PCDHGA7: variants seen among roughly 807,000 people sequenced by gnomAD.
PCDHGA7 encodes protocadherin gamma subfamily A, 7.
PCDHGA7 carries 44 observed loss-of-function variants against 58.3 expected under a neutral mutation model. That is an observed-to-expected ratio of 0.75 (90% confidence interval 0.59 to 0.97). PCDHGA7 has a LOEUF of 0.97. Ranked by LOEUF, PCDHGA7 falls within the 50% of genes least tolerant of loss-of-function variation. The pLI is 0.00. For missense variants in PCDHGA7, 1,266 were observed against 1,188.7 expected, an observed-to-expected ratio of 1.06 and a Z score of -0.96; for synonymous variants, 516 against 504.2, an observed-to-expected ratio of 1.02 and a Z score of -0.31.
chr5:141,489,894 G>A lies in PCDHGA7; in HGVS notation c.2425-4913G>A, dbSNP rs942456058. 33 of 1,614,204 alleles carry A rather than the reference G, an allele frequency of 2.0e-5. No individual in the cohort carries two copies. The highest frequency in any genetic ancestry group is 2.4e-5 in the Non-Finnish European group (28 of 1,180,028). Reference sequence around the variant, plus strand: ...TGGTGCTTACTGCTGTGGATGGGGGGACCCCAGCCCGCTCAGGGACCACCC... The same window carrying A: ...TGGTGCTTACTGCTGTGGATGGGGGAACCCCAGCCCGCTCAGGGACCACCC... On this transcript the variant is annotated intron_variant, in intron 1 of 3. Coordinates refer to ENST00000518325, the MANE Select transcript of PCDHGA7 (RefSeq NM_018920.4). This position sits in a 1 kb window ranked among gnomAD's most constrained non-coding sequence, Gnocchi z 4.5.
rs139156138 is a variant in PCDHGA7 at position 141,472,179 on chromosome 5, T to C, written c.2425-22628T>C. 5.1e-4 allele frequency among the ~76,000 whole-genome samples: 77 copies of C among 152,246 alleles called. 4 individuals are homozygous for C. The East Asian group carries it at 0.014, about 27-fold the overall frequency. On this transcript the variant is annotated intron_variant, in intron 1 of 3. Coordinates refer to ENST00000518325, the MANE Select transcript of PCDHGA7 (RefSeq NM_018920.4). ...TAGCTACTAGGTGTAATATCCAGTATTGGAATTTGAATCTTTTTGACACTA... is the reference window on the plus strand; with the variant it reads ...TAGCTACTAGGTGTAATATCCAGTACTGGAATTTGAATCTTTTTGACACTA...
At chr5:141,409,441 G>C (rs1432743588) in intron 1 of PCDHGA7, 1 of 1,613,884 alleles carries the variant, frequency 6.2e-7, no homozygotes, top group East Asian at 2.2e-5. Context: ...TGGACCGAGA[G>C]CAGACACCAG....
Position 141,415,384 on chromosome 5 carries a change from A to G in PCDHGA7, c.2424+30061A>G, listed in dbSNP as rs767664633. ...GCTGCAGGCTTCAGGAGGCGGCTTG[A>G]CAGGTGTGTCCGGCTCGCACTTTGT... On this transcript the variant is annotated intron_variant, in intron 1 of 3. Coordinates refer to ENST00000518325, the MANE Select transcript of PCDHGA7 (RefSeq NM_018920.4). 9.3e-6 allele frequency: 15 copies of G among 1,614,156 alleles called. No homozygotes were observed. The East Asian group carries it at 2.2e-4, about 24-fold the overall frequency.
At chr5:141,503,804 G>A (rs2099831736) in intron 2 of PCDHGA7, among the ~76,000 whole-genome samples, 1 of 152,034 alleles carries the variant, frequency 6.6e-6, no homozygotes, top group South Asian at 2.1e-4. Flanking sequence ...TAGGGACGGG[G>A]AATCCCAGAT....
In PCDHGA7 at chr5:141,476,686, C is replaced by T. The variant is rs138480390; in HGVS notation, c.2425-18121C>T. On this transcript the variant is annotated intron_variant, in intron 1 of 3. Coordinates refer to ENST00000518325, the MANE Select transcript of PCDHGA7 (RefSeq NM_018920.4). The surrounding 1 kb of genome is among the most constrained non-coding windows in gnomAD (Gnocchi z 7.6). ...TTCGCGTGCAGACGCGGGAGGACAGCACCAAGTACGCGGAGCTGGTGTTGG... is the reference window on the plus strand; with the variant it reads ...TTCGCGTGCAGACGCGGGAGGACAGTACCAAGTACGCGGAGCTGGTGTTGG... 6.2e-7 allele frequency: 1 copy of T among 1,614,126 alleles called. No homozygotes were observed. The highest frequency in any genetic ancestry group is 1.3e-5 in the African/African-American group (1 of 74,952).
intron 1 of PCDHGA7, chr5:141,413,395 G>C: frequency 6.2e-7 from 1 of 1,614,050 alleles, no homozygotes; most frequent in Non-Finnish European, 8.5e-7. Context: ...AGTCTCCAGA[G>C]GTAGGACGCA....
intron 1 of PCDHGA7, chr5:141,410,258 G>A: frequency 6.2e-7 from 1 of 1,614,022 alleles, no homozygotes; most frequent in East Asian, 2.2e-5. Context: ...TGACCCCCAG[G>A]CTGAACTGCA....
Position 141,384,048 on chromosome 5 carries a change from C to T in PCDHGA7, c.1149C>T (p.Thr383=). 2 of 1,611,890 alleles carry T rather than the reference C, an allele frequency of 1.2e-6. No homozygotes were observed. Among genetic ancestry groups the T allele is most frequent in the Non-Finnish European group, 1.7e-6 (2 of 1,178,738 alleles). ...ATTCTGGAAAGAATGGTGAGGTGAC[C>T]TGCACCATTCCAGAAAACCTACCTT... ...DRDSGKNGEV[T]CTIPENLPFK... is the part of the protein sequence containing the mutation. Residue 383 remains threonine (T), a synonymous_variant, in exon 1 of 4, where the codon ACC becomes ACT. Coordinates refer to ENST00000518325, the MANE Select transcript of PCDHGA7 (RefSeq NM_018920.4).
At chr5:141,406,446 C>T (rs1292880739) in intron 1 of PCDHGA7, among the ~76,000 whole-genome samples, 1 of 152,200 alleles carries the variant, frequency 6.6e-6, no homozygotes, top group Non-Finnish European at 1.5e-5. Flanking sequence ...TCTTCCATTT[C>T]TATGACAGGA....
intron 1 of PCDHGA7, among the ~76,000 whole-genome samples, chr5:141,397,686 T>C (rs963267542): frequency 7.2e-5 from 11 of 152,372 alleles, no homozygotes; most frequent in Middle Eastern, 3.4e-3. Flanking sequence ...TGCAGGTTTG[T>C]ATAAAAACCC....
chr5:141,445,537 G>A (rs1266179512), intron 1 of PCDHGA7, among the ~76,000 whole-genome samples: 1 of 152,182 alleles, frequency 6.6e-6, no homozygotes, highest in African/African-American at 2.4e-5. Flanking sequence ...AAGCCAACAA[G>A]GAGAAATACA....
At chr5:141,400,079 C>A in intron 1 of PCDHGA7, 1 of 1,614,042 alleles carries the variant, frequency 6.2e-7, no homozygotes, top group East Asian at 2.2e-5. Flanking sequence ...CCGCCACTCT[C>A]CGCCACCGCC....
intron 1 of PCDHGA7, chr5:141,424,527 A>G (rs1164206187): frequency 1.3e-5 from 2 of 152,214 alleles, no homozygotes; most frequent in African/African-American, 2.4e-5. Flanking sequence ...GTAAATCCAT[A>G]TATAGAAATA....
chr5:141,500,184 T>TTTTTTTTATTTA (rs1554186429), intron 2 of PCDHGA7, among the ~76,000 whole-genome samples: 16 of 135,886 alleles, frequency 1.2e-4, no homozygotes, highest in African/African-American at 4.3e-4. Context: ...TCATTTTTAT[T>TTTTTTTTATTTA]TTTATTTATT....
At chr5:141,465,979 G>C (rs779605313) in intron 1 of PCDHGA7, among the ~76,000 whole-genome samples, 26 of 151,846 alleles carry the variant, frequency 1.7e-4, no homozygotes, top group Non-Finnish European at 3.8e-4. Flanking sequence ...AAAATTAGCC[G>C]GGCATGGTGG....
rs1464961193 is a variant in PCDHGA7 at position 141,432,346 on chromosome 5, A to G, written c.2424+47023A>G. The G allele has an allele frequency of 6.2e-7, 1 of 1,614,192 alleles. No homozygotes were observed. Among genetic ancestry groups the G allele is most frequent in the African/African-American group, 1.3e-5 (1 of 75,054 alleles). On this transcript the variant is annotated intron_variant, in intron 1 of 3. Coordinates refer to ENST00000518325, the MANE Select transcript of PCDHGA7 (RefSeq NM_018920.4). This position sits in a 1 kb window ranked among gnomAD's most constrained non-coding sequence, Gnocchi z 6.0. ...ACTACGAGCAGTTCCGAGACTTGCA[A>G]GTGAAAGTGATGGCGCGGGACAACG...
intron 2 of PCDHGA7, among the ~76,000 whole-genome samples, chr5:141,502,787 G>T (rs2099816081): frequency 6.6e-6 from 1 of 151,394 alleles, no homozygotes; most frequent in African/African-American, 2.4e-5. Flanking sequence ...TTACCTGGAT[G>T]ATTTCTTCAG....
At chr5:141,392,649 C>T in intron 1 of PCDHGA7, 1 of 703,200 alleles carries the variant, frequency 1.4e-6, no homozygotes, top group South Asian at 2.2e-5. Flanking sequence ...CACGAAGACC[C>T]GCAGATGCCA....
At chr5:141,500,182 A>ATTT (rs1199992745) in intron 2 of PCDHGA7, among the ~76,000 whole-genome samples, 1 of 131,622 alleles carries the variant, frequency 7.6e-6, no homozygotes, top group African/African-American at 3.1e-5. Context: ...CTTCATTTTT[A>ATTT]TTTTTATTTA....
Sources: allele counts gnomAD v4.1 joint callset (sites outside exome capture counted in the v4.1 genomes callset), GRCh38; gene constraint gnomAD v4.1.1; non-coding constraint Gnocchi (gnomAD v3.1); transcripts MANE v1.5; gene names NCBI Gene and HGNC (gene_info 2026-07-23, HGNC 2026-07-21).